The following RBFOX1 variants were observed in gnomAD, a reference collection of about 807,000 sequenced individuals.
RBFOX1 encodes the protein RNA binding fox-1 homolog 1, also known as RNA binding protein fox-1 homolog 1.
RBFOX1 carries 8 observed loss-of-function variants against 57.7 expected under a neutral mutation model. The ratio of observed to expected loss-of-function variants is 0.14; its 90% CI spans 0.08 to 0.25. The LOEUF (loss-of-function observed/expected upper bound fraction) is 0.25, where lower values mean the gene tolerates loss of function less well. RBFOX1 is among the 10% of genes least tolerant of loss of function. RBFOX1 has a pLI of 1.00. For missense variants in RBFOX1, 611 were observed against 548.5 expected (o/e 1.11, Z -1.14); for synonymous variants, 326 against 222.4 (o/e 1.47, Z -4.15).
chr16:5,293,342 A>G (rs948391102), intron 1 of RBFOX1, among the ~76,000 whole-genome samples: 5 of 152,102 alleles, frequency 3.3e-5, no homozygotes, highest in African/African-American at 9.7e-5. Context: ...GGTTGCTGTT[A>G]TCACACCTCA....
chr16:5,669,130 C>G (rs1465851757), intron 3 of RBFOX1, among the ~76,000 whole-genome samples: 1 of 152,142 alleles, frequency 6.6e-6, no homozygotes, highest in African/African-American at 2.4e-5. Flanking sequence ...TCTCATGGAG[C>G]TGAAAATTCC....
chr16:6,522,955 C>A (rs1471356735), intron 2 of RBFOX1, among the ~76,000 whole-genome samples: 1 of 152,122 alleles, frequency 6.6e-6, no homozygotes, highest in African/African-American at 2.4e-5. Flanking sequence ...GGATGTTGTC[C>A]AGGTTCTTTA....
intron 2 of RBFOX1, among the ~76,000 whole-genome samples, chr16:6,549,609 A>G (rs572228807): frequency 1.3e-5 from 2 of 151,836 alleles, no homozygotes. Flanking sequence ...AAGATACTGC[A>G]GCAAATTGTA....
upstream of RBFOX1, among the ~76,000 whole-genome samples, chr16:6,015,635 A>T (rs928725147): frequency 1.3e-5 from 2 of 152,214 alleles, no homozygotes; most frequent in African/African-American, 2.4e-5. Context: ...TGTTCCTAGA[A>T]GGAGCTATGC....
intron 2 of RBFOX1, among the ~76,000 whole-genome samples, chr16:6,443,887 C>G (rs1011854473): frequency 1.3e-5 from 2 of 152,116 alleles, no homozygotes; most frequent in African/African-American, 2.4e-5. Context: ...TCCATGCACT[C>G]ATTCAATTAA....
intron 4 of RBFOX1, among the ~76,000 whole-genome samples, chr16:7,153,821 G>A (rs1289289115): frequency 6.6e-6 from 1 of 152,012 alleles, no homozygotes; most frequent in Non-Finnish European, 1.5e-5. Flanking sequence ...AAAGTACCAT[G>A]AGGAAGATGC....
At chr16:6,490,114 C>T (rs1000038174) in intron 2 of RBFOX1, among the ~76,000 whole-genome samples, 1 of 152,118 alleles carries the variant, frequency 6.6e-6, no homozygotes, top group Non-Finnish European at 1.5e-5. Context: ...CACATTTAGG[C>T]CACGGGAATG....
At chr16:6,955,667 CTTTATTTATTTAGGTATGTATGTA>C (rs1568066374) in intron 3 of RBFOX1, among the ~76,000 whole-genome samples, 27 of 149,490 alleles carry the variant, frequency 1.8e-4, no homozygotes, top group African/African-American at 5.8e-4. Context: ...TACACCACCA[CTTTATTTATTTAGGTATGTATGTA>C]TTTATTTATT....
At chr16:7,232,751 G>C (rs1351257781) in intron 4 of RBFOX1, among the ~76,000 whole-genome samples, 4 of 151,142 alleles carry the variant, frequency 2.6e-5, no homozygotes, top group African/African-American at 9.7e-5. Context: ...TGAGGCAGGA[G>C]AATTGCTTGA....
intron 4 of RBFOX1, among the ~76,000 whole-genome samples, chr16:7,172,635 A>G (rs1316722170): frequency 5.9e-5 from 9 of 152,220 alleles, no homozygotes; most frequent in East Asian, 3.8e-4. Flanking sequence ...CTTACTGGGA[A>G]CACACATCAT....
At chr16:5,913,139 G>C (rs1374252429) in intron 4 of RBFOX1, among the ~76,000 whole-genome samples, 1 of 152,186 alleles carries the variant, frequency 6.6e-6, no homozygotes, top group African/African-American at 2.4e-5. Flanking sequence ...TAGAAATTCA[G>C]CTTGTGGGTG....
rs563834884 is a variant in RBFOX1, at chr16:6,616,311, T to C, written c.-63-38292T>C. Among the ~76,000 whole-genome samples the C allele has an allele frequency of 9.2e-5, 14 of 152,298 alleles. No individual in the cohort carries two copies. The South Asian group carries it at 2.9e-3, about 32-fold the overall frequency. ...ATTAGTTATATGCTATATTACATGC[T>C]ATAATCTGTAGAGAAATCCACCCCC... On this transcript the variant is annotated intron_variant, in intron 2 of 15. Transcript: ENST00000550418.
chr16:5,761,835 T>G (rs2151646615), intron 3 of RBFOX1, among the ~76,000 whole-genome samples: 1 of 152,290 alleles, frequency 6.6e-6, no homozygotes, highest in East Asian at 1.9e-4. Flanking sequence ...GGTGACTTGA[T>G]GCTGGGGTGA....
chr16:6,444,714 C>G (rs920807044), intron 2 of RBFOX1, among the ~76,000 whole-genome samples: 1 of 151,840 alleles, frequency 6.6e-6, no homozygotes, highest in African/African-American at 2.4e-5. Flanking sequence ...GAAGAAAAGG[C>G]CAAAGAGGCC....
intron 4 of RBFOX1, among the ~76,000 whole-genome samples, chr16:7,193,318 A>C (rs555633320): frequency 6.6e-6 from 1 of 152,334 alleles, no homozygotes; most frequent in East Asian, 1.9e-4. Context: ...AGAGTCTAGA[A>C]AAGGCAAGAA....
At chr16:7,247,475 C>T (rs936341567) in intron 4 of RBFOX1, among the ~76,000 whole-genome samples, 1 of 152,122 alleles carries the variant, frequency 6.6e-6, no homozygotes, top group African/African-American at 2.4e-5. Flanking sequence ...ATGTGATAGG[C>T]ACTCAGTAAA....
chr16:6,053,754 T>G (rs1228066471), intron 1 of RBFOX1, among the ~76,000 whole-genome samples: 1 of 152,168 alleles, frequency 6.6e-6, no homozygotes, highest in Non-Finnish European at 1.5e-5. Context: ...TTGTACAATC[T>G]TAATGGGACC....
At chr16:5,504,051 C>T (rs1276132551) in intron 2 of RBFOX1, among the ~76,000 whole-genome samples, 1 of 152,128 alleles carries the variant, frequency 6.6e-6, no homozygotes. Flanking sequence ...CCCTCCAGCC[C>T]CTTCCTGGCA....
chr16:7,292,560 A>T (rs1240809240), intron 4 of RBFOX1, among the ~76,000 whole-genome samples: 1 of 148,950 alleles, frequency 6.7e-6, no homozygotes, highest in East Asian at 2.0e-4. Flanking sequence ...ACACAAATAT[A>T]TAACAGAAGT....
Sources: allele counts gnomAD v4.1 joint callset (sites outside exome capture counted in the v4.1 genomes callset), GRCh38; gene constraint gnomAD v4.1.1; transcripts MANE v1.5; gene names NCBI Gene and HGNC (gene_info 2026-07-23, HGNC 2026-07-21).